Variants in PLD5 observed in about 807,000 individuals in gnomAD.
PLD5 encodes phospholipase D family member 5, also known as inactive phospholipase D5.
In PLD5, 36 loss-of-function variants were observed where a neutral mutation model predicts 61.1. The observed-to-expected ratio is 0.59, with a 90% CI of 0.45 to 0.78. The LOEUF (loss-of-function observed/expected upper bound fraction) is 0.78, where lower values mean the gene tolerates loss of function less well. Among genes scored for constraint, PLD5 ranks in the 30% least tolerant of loss-of-function variants. The pLI is 0.00. For synonymous variants in PLD5, 243 were observed against 242.8 expected, an observed-to-expected ratio of 1.00 and a Z score of -0.01; for missense variants, 515 against 644.4, an observed-to-expected ratio of 0.80 and a Z score of 2.17.
At chr1:242,303,101 A>G (rs1454582470) in intron 2 of PLD5, among the ~76,000 whole-genome samples, 4 of 152,226 alleles carry the variant, frequency 2.6e-5, no homozygotes, top group South Asian at 2.1e-4. Flanking sequence ...AATGGACAAC[A>G]TAAGTTTCAG....
At chr1:242,315,472 C>T (rs12117290) in intron 2 of PLD5, among the ~76,000 whole-genome samples, 2 of 151,936 alleles carry the variant, frequency 1.3e-5, no homozygotes, top group African/African-American at 2.4e-5. Flanking sequence ...AGAAAAATGC[C>T]CTTCTACCCT....
chr1:242,142,412 CT>C (rs1248505009), intron 5 of PLD5, among the ~76,000 whole-genome samples: 1 of 152,170 alleles, frequency 6.6e-6, no homozygotes, highest in Non-Finnish European at 1.5e-5. Flanking sequence ...ATTTATCTGA[CT>C]TACATGTGGC....
At chr1:242,423,036 C>T (rs769539353) in intron 1 of PLD5, among the ~76,000 whole-genome samples, 43 of 151,264 alleles carry the variant, frequency 2.8e-4, no homozygotes, top group Non-Finnish European at 4.9e-4. Context: ...TTTTTAGTAG[C>T]GACAAAGTCT....
At chr1:242,297,343 CAAAAAAAAAAAA>C (rs34723393) in intron 2 of PLD5, among the ~76,000 whole-genome samples, 4 of 63,120 alleles carry the variant, frequency 6.3e-5, no homozygotes, top group Non-Finnish European at 8.3e-5. Context: ...GACTCCTTCT[CAAAAAAAAAAAA>C]AAAAAAAAAA....
At chr1:242,481,961 AC>A (rs1330918180) in intron 1 of PLD5, among the ~76,000 whole-genome samples, 1 of 152,130 alleles carries the variant, frequency 6.6e-6, no homozygotes, top group Non-Finnish European at 1.5e-5. Flanking sequence ...TCTGGAGTGG[AC>A]CTCCAGCAAA....
rs887683151 is a variant in PLD5, at chr1:242,086,875, C to A, written c.*2979G>T. ...TCCAGGAATGTTAATGGGGAGTAGT[C>A]ACCCTGCTCCTCATAATTTCTGGCA... On this transcript the variant is annotated 3_prime_UTR_variant, in exon 10 of 10. Transcript: ENST00000536534. The A allele has an allele frequency of 6.6e-5, 10 of 152,134 alleles. No homozygotes were observed. The highest frequency in any genetic ancestry group is 2.4e-4 in the African/African-American group (10 of 41,438). The allele number at this position is 152,134 out of a possible 1,614,324, so 9.4% of individuals were successfully genotyped here. A position where few individuals can be genotyped will look rare whatever the true frequency, so the allele number is the denominator to read the frequency against.
At chr1:242,520,407 G>A (rs1160727290) in intron 1 of PLD5, among the ~76,000 whole-genome samples, 2 of 152,110 alleles carry the variant, frequency 1.3e-5, no homozygotes, top group Non-Finnish European at 2.9e-5. Flanking sequence ...TTTCATCATG[G>A]CAAACCAGCG....
At chr1:242,482,206 G>A (rs1667801738) in intron 1 of PLD5, among the ~76,000 whole-genome samples, 1 of 152,234 alleles carries the variant, frequency 6.6e-6, no homozygotes, top group Admixed American at 6.5e-5. Flanking sequence ...AAGCTGGACG[G>A]AGAATGACTT....
At chr1:242,382,122 T>C (rs1229156260) in intron 1 of PLD5, among the ~76,000 whole-genome samples, 2 of 83,458 alleles carry the variant, frequency 2.4e-5, no homozygotes, top group African/African-American at 1.0e-4. Flanking sequence ...GCGGAGACTT[T>C]GACAGCAAAA....
rs748697130 is a variant in PLD5 at position 242,113,885 on chromosome 1, C to T, written c.1070+5G>A. The T allele has an allele frequency of 1.1e-5, 18 of 1,612,040 alleles. No individual in the cohort carries two copies. Among genetic ancestry groups the T allele is most frequent in the Non-Finnish European group, 1.5e-5 (18 of 1,179,198 alleles). ...GTTCTAACCAGAGGCTGGGCATTCA[C>T]TGACCTTTTGGTGCTTGTGCTGGAG... On this transcript the variant is annotated splice_donor_5th_base_variant and intron_variant, in intron 7 of 9. Coordinates refer to ENST00000536534, the MANE Select transcript of PLD5 (RefSeq NM_001372062.1).
chr1:242,512,481 C>T (rs572677437), intron 1 of PLD5, among the ~76,000 whole-genome samples: 1 of 151,862 alleles, frequency 6.6e-6, no homozygotes, highest in South Asian at 2.1e-4. Flanking sequence ...AGTGTCTTAC[C>T]GTCTCTGATC....
chr1:242,341,473 A>G (rs1312368672), intron 2 of PLD5, among the ~76,000 whole-genome samples: 1 of 151,368 alleles, frequency 6.6e-6, no homozygotes, highest in African/African-American at 2.4e-5. Context: ...GAAGAGATTC[A>G]GCAAATAAAG....
At chr1:242,411,331 G>A (rs915671474) in intron 1 of PLD5, among the ~76,000 whole-genome samples, 2 of 152,190 alleles carry the variant, frequency 1.3e-5, no homozygotes, top group African/African-American at 4.8e-5. Flanking sequence ...CGCCTCCCGG[G>A]TTCACGCCAT....
intron 1 of PLD5, among the ~76,000 whole-genome samples, chr1:242,348,783 G>A (rs1056628144): frequency 4.1e-4 from 62 of 152,126 alleles, no homozygotes; most frequent in East Asian, 3.9e-4. Context: ...GGCCGGGCGC[G>A]GTGGCTCATG....
chr1:242,247,642 C>G (rs1672465853), intron 4 of PLD5, among the ~76,000 whole-genome samples: 1 of 152,182 alleles, frequency 6.6e-6, no homozygotes, highest in Non-Finnish European at 1.5e-5. Flanking sequence ...GACCTCCGTT[C>G]TCATCACAGC....
intron 1 of PLD5, among the ~76,000 whole-genome samples, chr1:242,483,633 A>G (rs1667860114): frequency 6.6e-6 from 1 of 152,192 alleles, no homozygotes; most frequent in African/African-American, 2.4e-5. Context: ...CCCCACTGTC[A>G]ACATTAGACA....
chr1:242,475,441 AG>A (rs371556292), intron 1 of PLD5, among the ~76,000 whole-genome samples: 1 of 150,128 alleles, frequency 6.7e-6, no homozygotes. Flanking sequence ...AAAAAAAAAA[AG>A]AAAACAATAA....
chr1:242,446,022 G>A (rs1666520526), intron 1 of PLD5, among the ~76,000 whole-genome samples: 2 of 151,648 alleles, frequency 1.3e-5, no homozygotes, highest in Non-Finnish European at 2.9e-5. Context: ...ATATATTAAT[G>A]TAATCTTCAC....
At chr1:242,428,299 G>A (rs1558558511) in intron 1 of PLD5, among the ~76,000 whole-genome samples, 1 of 152,134 alleles carries the variant, frequency 6.6e-6, no homozygotes, top group Non-Finnish European at 1.5e-5. Context: ...CAACTGCCTT[G>A]GCTTATAATC....
Sources: gnomAD v4.1 joint callset for allele counts (sites outside exome capture counted in the v4.1 genomes callset) on GRCh38, gnomAD v4.1.1 for gene constraint, MANE v1.5 for transcripts, NCBI Gene and HGNC (gene_info 2026-07-23, HGNC 2026-07-21) for gene names.